FRYL: variants seen among roughly 807,000 people sequenced by gnomAD.
FRYL encodes FRY like transcription coactivator, also known as protein furry homolog-like.
In FRYL, 150 loss-of-function variants were observed where a neutral mutation model predicts 351.2. The observed-to-expected ratio is 0.43, with a 90% CI of 0.37 to 0.49. The LOEUF (loss-of-function observed/expected upper bound fraction) is 0.49, where lower values mean the gene tolerates loss of function less well. Ranked by LOEUF, FRYL falls within the 20% of genes least tolerant of loss-of-function variation. The pLI is 0.00. For synonymous variants in FRYL, 1,153 were observed against 1,257.1 expected (o/e 0.92, Z 1.75); for missense variants, 3,036 against 3,619.3 (o/e 0.84, Z 4.13).
intron 23 of FRYL, 82 bp from the exon 24 acceptor site, chr4:48,576,304 C>A: frequency 1.1e-4 from 85 of 769,406 alleles, no homozygotes; most frequent in Non-Finnish European, 1.5e-4. Flanking sequence ...TGCTAAATTT[C>A]TTTTTTTTTT....
At chr4:48,655,176 G>C (rs1758568910) in intron 3 of FRYL, among the ~76,000 whole-genome samples, 1 of 152,058 alleles carries the variant, frequency 6.6e-6, no homozygotes, top group Non-Finnish European at 1.5e-5. Context: ...TTTTTGGAAG[G>C]GGTGGGGGTC....
At chr4:48,661,169 TA>T (rs1368031708) in intron 3 of FRYL, among the ~76,000 whole-genome samples, 26 of 152,234 alleles carry the variant, frequency 1.7e-4, no homozygotes, top group African/African-American at 6.0e-4. Context: ...AACTTTTCTA[TA>T]AATCTAAAAG....
intron 60 of FRYL, among the ~76,000 whole-genome samples, chr4:48,505,102 C>T (rs1247358081): frequency 6.6e-6 from 1 of 152,012 alleles, no homozygotes; most frequent in Non-Finnish European, 1.5e-5. Context: ...TTCACTGAGC[C>T]TTATATTAAA....
intron 23 of FRYL, among the ~76,000 whole-genome samples, chr4:48,577,467 T>C (rs1406078324): frequency 6.6e-6 from 1 of 152,152 alleles, no homozygotes; most frequent in Admixed American, 6.5e-5. Context: ...ATCTAAGCAC[T>C]GGTAACGTAT....
intron 62 of FRYL, 50 bp downstream of exon 62, chr4:48,501,572 TA>T: frequency 9.9e-7 from 1 of 1,009,024 alleles, no homozygotes. Context: ...GATTTTATTT[TA>T]AAATTTTTTT....
At chr4:48,680,386 TC>T (rs1347650741) in intron 3 of FRYL, among the ~76,000 whole-genome samples, 1 of 152,004 alleles carries the variant, frequency 6.6e-6, no homozygotes, top group Non-Finnish European at 1.5e-5. Context: ...CTGATGTTTA[TC>T]CTAAAACATA....
chr4:48,685,035 C>T (rs1489202104), intron 2 of FRYL, among the ~76,000 whole-genome samples: 1 of 152,166 alleles, frequency 6.6e-6, no homozygotes, highest in East Asian at 1.9e-4. Context: ...CCAGCTTCAA[C>T]AATTAACTCA....
At chr4:48,558,960 G>A (rs1172588727) in intron 33 of FRYL, among the ~76,000 whole-genome samples, 3 of 152,124 alleles carry the variant, frequency 2.0e-5, no homozygotes, top group African/African-American at 7.2e-5. Flanking sequence ...TACTCATTAA[G>A]AGAAGTGTTT....
chr4:48,499,714 CTT>C, intron 63 of FRYL, 34 bp from the exon 64 acceptor site: 1 of 1,602,144 alleles, frequency 6.2e-7, no homozygotes, highest in Non-Finnish European at 8.5e-7. Context: ...AGTTCTGAGA[CTT>C]AGGCAATAGT....
chr4:48,729,859 C>T (rs1366131716), intron 1 of FRYL, among the ~76,000 whole-genome samples: 3 of 152,160 alleles, frequency 2.0e-5, no homozygotes, highest in African/African-American at 7.2e-5. Flanking sequence ...AACTCCTCGC[C>T]ACCAAGGGAA....
intron 3 of FRYL, among the ~76,000 whole-genome samples, chr4:48,651,664 C>T (rs529293027): frequency 1.6e-4 from 24 of 152,312 alleles, no homozygotes; most frequent in South Asian, 2.1e-4. Context: ...CAGTAGCATA[C>T]GCTCTATAAA....
chr4:48,593,094 T>C lies in FRYL; in HGVS notation c.1335+836A>G, dbSNP rs145046854. Among the ~76,000 whole-genome samples the C allele has an allele frequency of 7.9e-5, 12 of 152,242 alleles. No homozygotes were observed. The East Asian group carries it at 2.3e-3, about 29-fold the overall frequency. ...ATAATGAGACCATGGAAGCAGGATA[T>C]AACATTCACTTTTTTAATGTTGATT... On this transcript the variant is annotated intron_variant, in intron 16 of 63. Coordinates refer to ENST00000358350, the MANE Select transcript of FRYL (RefSeq NM_015030.2).
chr4:48,662,240 C>T lies in FRYL; in HGVS notation c.-81+22433G>A, dbSNP rs144169811. Among the ~76,000 whole-genome samples, 492 of 152,184 alleles carry T rather than the reference C, an allele frequency of 3.2e-3. 6 individuals are homozygous for T. Among genetic ancestry groups the T allele is most frequent in the African/African-American group, 0.011 (477 of 41,520 alleles). On this transcript the variant is annotated intron_variant, in intron 3 of 63. Transcript: ENST00000358350. ...AACACTGCTTGAAGCCAAGAGTTCA[C>T]GGCCAGCCTGGGCAACATAGTGAGA... is the stretch of plus-strand genomic sequence containing the variant.
chr4:48,605,789 T>C lies in FRYL; in HGVS notation c.786A>G (p.Lys262=). 6.2e-7 allele frequency: 1 copy of C among 1,608,658 alleles called. No homozygotes were observed. The highest frequency in any genetic ancestry group is 1.7e-5 in the Admixed American group (1 of 59,828). Residue 262 remains lysine, a synonymous_variant, in exon 11 of 64, where the codon AAA becomes AAG. Transcript: ENST00000358350. Reference sequence around the variant, plus strand: ...CCACAAATAAACCAGCAAGTGCATGTTTTATATCTTTATCTTTCACTTCTA... The same window carrying C: ...CCACAAATAAACCAGCAAGTGCATGCTTTATATCTTTATCTTTCACTTCTA... ...YFLEVKDKDI[K]HALAGLFVEI... is the part of the protein sequence containing the mutation.
At chr4:48,693,307 T>C (rs1486558582) in intron 2 of FRYL, among the ~76,000 whole-genome samples, 1 of 152,188 alleles carries the variant, frequency 6.6e-6, no homozygotes, top group Non-Finnish European at 1.5e-5. Context: ...TCTTTATCTA[T>C]CTAAAAACGG....
chr4:48,752,535 AATGATCAC>A (rs1773352915), intron 1 of FRYL, among the ~76,000 whole-genome samples: 8 of 152,266 alleles, frequency 5.3e-5, no homozygotes, highest in Admixed American at 5.2e-4. Flanking sequence ...TCGTTCCATG[AATGATCAC>A]ATTGATAAAG....
At chr4:48,591,712 T>C (rs1340897309) in intron 16 of FRYL, among the ~76,000 whole-genome samples, 2 of 152,136 alleles carry the variant, frequency 1.3e-5, no homozygotes, top group Non-Finnish European at 2.9e-5. Flanking sequence ...TATCATCATG[T>C]ATTACCTCCC....
chr4:48,778,427 G>A (rs776544383), intron 1 of FRYL, among the ~76,000 whole-genome samples: 47 of 151,800 alleles, frequency 3.1e-4, no homozygotes, highest in Non-Finnish European at 8.8e-5. Context: ...GACAAGACAC[G>A]ATGGAATGCT....
chr4:48,764,579 T>C (rs894998463), intron 1 of FRYL, among the ~76,000 whole-genome samples: 6 of 151,526 alleles, frequency 4.0e-5, no homozygotes, highest in African/African-American at 1.2e-4. Context: ...TGCATTTCTA[T>C]ACACTAACAA....
Sources: allele counts gnomAD v4.1 joint callset (sites outside exome capture counted in the v4.1 genomes callset), GRCh38; gene constraint gnomAD v4.1.1; transcripts MANE v1.5; gene names NCBI Gene and HGNC (gene_info 2026-07-23, HGNC 2026-07-21).